Variants in SMIM14 observed in about 807,000 individuals in gnomAD.
The protein encoded by SMIM14 is small integral membrane protein 14, also known as chromosome 4 open reading frame 34.
In SMIM14, 5 loss-of-function variants were observed where a neutral mutation model predicts 12.6. The ratio of observed to expected loss-of-function variants is 0.40; its 90% CI spans 0.21 to 0.83. The LOEUF (loss-of-function observed/expected upper bound fraction) is 0.83. SMIM14 is among the 40% of genes least tolerant of loss of function. The pLI, the probability that SMIM14 is intolerant of heterozygous loss-of-function variation, is 0.37. For missense variants in SMIM14, 86 were observed against 119.1 expected, an observed-to-expected ratio of 0.72 and a Z score of 1.29; for synonymous variants, 30 against 40.1, an observed-to-expected ratio of 0.75 and a Z score of 0.95.
intron 1 of SMIM14, among the ~76,000 whole-genome samples, chr4:39,615,652 T>G (rs1715194105): frequency 6.6e-6 from 1 of 152,074 alleles, no homozygotes. Flanking sequence ...TATACTTTCT[T>G]CTCAATTTTC....
chr4:39,574,237 CTTTTTTTT>C lies in SMIM14; in HGVS notation c.76-1782_76-1775del, dbSNP rs11338888. On this transcript the variant is annotated intron_variant, in intron 2 of 4. Transcript: ENST00000295958. The stretch of plus-strand genomic sequence containing the variant: ...ATTTAAAGTCTGGTTCTGCAACTTT[CTTTTTTTT>C]TTTTTTTTTTTTCTTTTCTCTTCTT... 8.3e-3 allele frequency among the ~76,000 whole-genome samples: 1,059 copies of C among 126,890 alleles called. 10 individuals are homozygous for C. Among genetic ancestry groups the C allele is most frequent in the African/African-American group, 0.029 (1,004 of 34,334 alleles). 83.2% of individuals were successfully genotyped at this position (126,890 alleles called of 152,430 possible).
intron 3 of SMIM14, among the ~76,000 whole-genome samples, chr4:39,564,352 T>TTC (rs1712467604): frequency 6.6e-6 from 1 of 151,992 alleles, no homozygotes; most frequent in African/African-American, 2.4e-5. Flanking sequence ...AGATCTGTTA[T>TTC]TCTCCTACAG....
At chr4:39,580,803 G>A (rs1277098688) in intron 2 of SMIM14, among the ~76,000 whole-genome samples, 3 of 152,128 alleles carry the variant, frequency 2.0e-5, no homozygotes, top group Non-Finnish European at 4.4e-5. Context: ...GGGATTACAG[G>A]TGTGAGCTAC....
At chr4:39,597,791 C>T (rs368556487) in intron 2 of SMIM14, among the ~76,000 whole-genome samples, 84 of 152,222 alleles carry the variant, frequency 5.5e-4, no homozygotes, top group African/African-American at 2.0e-3. Flanking sequence ...CTCACTACAT[C>T]ATGGTCCTTT....
chr4:39,603,427 C>CG (rs1714689360), intron 2 of SMIM14, among the ~76,000 whole-genome samples: 1 of 151,730 alleles, frequency 6.6e-6, no homozygotes, highest in Non-Finnish European at 1.5e-5. Flanking sequence ...GGCATGGGGG[C>CG]GGGCACCTGT....
chr4:39,622,330 A>G (rs1317657571), intron 1 of SMIM14, among the ~76,000 whole-genome samples: 1 of 148,904 alleles, frequency 6.7e-6, no homozygotes, highest in Non-Finnish European at 1.5e-5. Context: ...GATCCCCCCA[A>G]CTTGGCCTCC....
intron 1 of SMIM14, among the ~76,000 whole-genome samples, chr4:39,617,748 TCA>T (rs765459507): frequency 6.6e-6 from 1 of 152,214 alleles, no homozygotes; most frequent in Admixed American, 6.5e-5. Flanking sequence ...CCTGCCCTAC[TCA>T]CTCTCTGGTG....
chr4:39,638,602 G>A, intron 1 of SMIM14, 137 bp downstream of exon 1: 3 of 977,590 alleles, frequency 3.1e-6, no homozygotes, highest in Non-Finnish European at 3.6e-6. Flanking sequence ...CCCGGCCGAG[G>A]AAACGCCAAG....
At chr4:39,636,714 C>T (rs1289721800) in intron 1 of SMIM14, among the ~76,000 whole-genome samples, 3 of 152,096 alleles carry the variant, frequency 2.0e-5, no homozygotes, top group Admixed American at 6.6e-5. Flanking sequence ...AACAACCCCC[C>T]CCCAGTGGAT....
At chr4:39,581,518 C>CTTTTTTTTTTTTTTTTT (rs1432369898) in intron 2 of SMIM14, among the ~76,000 whole-genome samples, 4 of 132,080 alleles carry the variant, frequency 3.0e-5, no homozygotes, top group Non-Finnish European at 4.8e-5. Context: ...TTTTCTTTTT[C>CTTTTTTTTTTTTTTTTT]TTTTTTTTTT....
chr4:39,608,731 C>T (rs1419160621), intron 1 of SMIM14, among the ~76,000 whole-genome samples: 5 of 152,174 alleles, frequency 3.3e-5, no homozygotes, highest in Non-Finnish European at 7.3e-5. Flanking sequence ...TTGTACAACA[C>T]TGTGAATGTA....
chr4:39,610,600 T>C (rs1156811338), intron 1 of SMIM14, among the ~76,000 whole-genome samples: 1 of 149,502 alleles, frequency 6.7e-6, no homozygotes, highest in Non-Finnish European at 1.5e-5. Context: ...GAGGCTGAAG[T>C]AGGGGGATCG....
intron 1 of SMIM14, among the ~76,000 whole-genome samples, chr4:39,625,377 G>T (rs1715656743): frequency 6.6e-6 from 1 of 152,096 alleles, no homozygotes; most frequent in African/African-American, 2.4e-5. Context: ...ACATGCCCTT[G>T]ATGTCACAAT....
chr4:39,637,881 G>A (rs185742605), intron 1 of SMIM14, among the ~76,000 whole-genome samples: 23 of 152,348 alleles, frequency 1.5e-4, no homozygotes, highest in African/African-American at 5.3e-4. Flanking sequence ...AAACTGGAAG[G>A]TCTCTTCTGC....
intron 4 of SMIM14, among the ~76,000 whole-genome samples, chr4:39,553,886 G>T (rs1017312341): frequency 1.3e-5 from 2 of 152,040 alleles, no homozygotes; most frequent in African/African-American, 2.4e-5. Flanking sequence ...GAGCCACCGC[G>T]CCTGGTCTAT....
At chr4:39,580,019 T>C (rs1240423835) in intron 2 of SMIM14, among the ~76,000 whole-genome samples, 2 of 152,152 alleles carry the variant, frequency 1.3e-5, no homozygotes, top group African/African-American at 4.8e-5. Flanking sequence ...CTAGAGTTAC[T>C]GAAACATACC....
At chr4:39,612,715 T>G (rs1715084409) in intron 1 of SMIM14, among the ~76,000 whole-genome samples, 2 of 152,208 alleles carry the variant, frequency 1.3e-5, no homozygotes, top group African/African-American at 4.8e-5. Flanking sequence ...ATCCTTCCAC[T>G]TCAGCTTCCC....
chr4:39,597,144 A>G (rs2110047916), intron 2 of SMIM14, among the ~76,000 whole-genome samples: 1 of 139,776 alleles, frequency 7.2e-6, no homozygotes, highest in East Asian at 2.1e-4. Flanking sequence ...TCCCCAGTGC[A>G]TCCATATGAC....
chr4:39,593,090 GAC>G (rs1346363087), intron 2 of SMIM14: 4 of 151,550 alleles, frequency 2.6e-5, no homozygotes, highest in African/African-American at 7.3e-5. Context: ...GCCGGGCAGA[GAC>G]ACAACCAAAA....
Sources: allele counts gnomAD v4.1 joint callset (sites outside exome capture counted in the v4.1 genomes callset), GRCh38; gene constraint gnomAD v4.1.1; transcripts MANE v1.5; gene names NCBI Gene and HGNC (gene_info 2026-07-23, HGNC 2026-07-21).